COL25A1: variants seen among roughly 807,000 people sequenced by gnomAD.
COL25A1 encodes collagen type XXV alpha 1 chain.
In COL25A1, 103 loss-of-function variants were observed where a neutral mutation model predicts 128.4. The ratio of observed to expected loss-of-function variants is 0.80; its 90% CI spans 0.68 to 0.94. COL25A1 has a LOEUF of 0.94. COL25A1 is among the 40% of genes least tolerant of loss of function. The pLI is 0.00. For missense variants in COL25A1, 745 were observed against 840.0 expected, an observed-to-expected ratio of 0.89 and a Z score of 1.40; for synonymous variants, 279 against 277.2, an observed-to-expected ratio of 1.01 and a Z score of -0.06.
intron 3 of COL25A1, among the ~76,000 whole-genome samples, chr4:109,260,548 T>C (rs1442484658): frequency 2.6e-5 from 4 of 152,252 alleles, no homozygotes; most frequent in East Asian, 1.9e-4. Context: ...CAGGCTGGAG[T>C]GCAGTGGCAC....
At chr4:108,858,910 G>A (rs936672338) in intron 24 of COL25A1, among the ~76,000 whole-genome samples, 7 of 152,130 alleles carry the variant, frequency 4.6e-5, no homozygotes, top group Non-Finnish European at 8.8e-5. Context: ...TGTCAGGGGC[G>A]ATGAGTCCAG....
intron 3 of COL25A1, among the ~76,000 whole-genome samples, chr4:109,154,064 G>A (rs1771799800): frequency 6.6e-6 from 1 of 152,136 alleles, no homozygotes; most frequent in South Asian, 2.1e-4. Flanking sequence ...TAATCTATTT[G>A]CAAACTAGAA....
At chr4:108,851,261 T>A (rs1005899551) in intron 26 of COL25A1, among the ~76,000 whole-genome samples, 4 of 152,098 alleles carry the variant, frequency 2.6e-5, no homozygotes, top group Non-Finnish European at 4.4e-5. Context: ...ATCCCACACC[T>A]TATATTAATG....
chr4:109,166,063 C>A (rs1773045682), intron 3 of COL25A1, among the ~76,000 whole-genome samples: 1 of 152,068 alleles, frequency 6.6e-6, no homozygotes, highest in Non-Finnish European at 1.5e-5. Context: ...AAAATTAGAT[C>A]AATTTTTCTA....
intron 8 of COL25A1, among the ~76,000 whole-genome samples, chr4:108,955,164 T>A (rs1040643524): frequency 6.6e-6 from 1 of 152,082 alleles, no homozygotes; most frequent in African/African-American, 2.4e-5. Flanking sequence ...TAAGGGACTG[T>A]CAATCATTCT....
rs1229175031 is a variant in COL25A1 at position 109,050,197 on chromosome 4, A to G, written c.368-18T>C. On this transcript the variant is annotated intron_variant, in intron 3 of 37. Coordinates refer to ENST00000399132, the MANE Select transcript of COL25A1 (RefSeq NM_198721.4). ...TGGAGGGCCTGAAATACAAAGGATA[A>G]TTTTTTTAGTGTAGTTTAATTCTTT... 1 of 1,598,270 alleles carries G rather than the reference A, an allele frequency of 6.3e-7. No homozygotes were observed. Among genetic ancestry groups the G allele is most frequent in the East Asian group, 2.2e-5 (1 of 44,480 alleles).
intron 8 of COL25A1, among the ~76,000 whole-genome samples, chr4:108,964,014 A>G (rs919541933): frequency 6.6e-6 from 1 of 151,034 alleles, no homozygotes; most frequent in African/African-American, 2.4e-5. Context: ...ATAAAATGGA[A>G]ATAATTATTT....
chr4:108,965,895 A>C (rs1210626011), intron 8 of COL25A1, among the ~76,000 whole-genome samples: 2 of 152,250 alleles, frequency 1.3e-5, no homozygotes, highest in Non-Finnish European at 2.9e-5. Context: ...ACTCAGCATT[A>C]TGAAGAGCAG....
intron 3 of COL25A1, among the ~76,000 whole-genome samples, chr4:109,274,311 G>C (rs1782399979): frequency 6.6e-6 from 1 of 151,984 alleles, no homozygotes; most frequent in African/African-American, 2.4e-5. Flanking sequence ...AAATTTCTAA[G>C]CCATAAGGAT....
intron 3 of COL25A1, among the ~76,000 whole-genome samples, chr4:109,059,723 T>C (rs1299346980): frequency 6.6e-6 from 1 of 152,162 alleles, no homozygotes; most frequent in Non-Finnish European, 1.5e-5. Context: ...TGCACAGCAG[T>C]TTTTACCCAT....
intron 3 of COL25A1, among the ~76,000 whole-genome samples, chr4:109,052,957 A>G (rs889759134): frequency 1.2e-4 from 18 of 152,208 alleles, no homozygotes; most frequent in Admixed American, 9.8e-4. Context: ...CTCATTCACT[A>G]AACTTGGCCA....
intron 3 of COL25A1, among the ~76,000 whole-genome samples, chr4:109,158,757 T>G (rs1166278428): frequency 6.6e-6 from 1 of 152,196 alleles, no homozygotes; most frequent in Non-Finnish European, 1.5e-5. Context: ...TACCCTAAGT[T>G]ATAAAGTTTT....
intron 8 of COL25A1, among the ~76,000 whole-genome samples, chr4:108,964,979 T>C (rs1286954090): frequency 3.3e-5 from 5 of 152,196 alleles, no homozygotes; most frequent in East Asian, 3.8e-4. Flanking sequence ...AGTATATTCA[T>C]TAAGGCTACA....
chr4:109,127,450 T>TATTA (rs1399551051), intron 3 of COL25A1, among the ~76,000 whole-genome samples: 1 of 152,148 alleles, frequency 6.6e-6, no homozygotes, highest in Non-Finnish European at 1.5e-5. Flanking sequence ...CTCTAGTGGT[T>TATTA]ATTAGTTGGG....
intron 3 of COL25A1, among the ~76,000 whole-genome samples, chr4:109,120,209 G>C (rs1295171549): frequency 6.6e-6 from 1 of 152,128 alleles, no homozygotes; most frequent in Non-Finnish European, 1.5e-5. Flanking sequence ...TTCCAGTTTA[G>C]ATCAGGAACA....
rs527855425 is a variant in COL25A1, at chr4:109,273,756, C to T, written c.367+26827G>A. Among the ~76,000 whole-genome samples the T allele has an allele frequency of 2.0e-5, 3 of 152,218 alleles. No individual in the cohort carries two copies. The South Asian group carries it at 6.2e-4, about 32-fold the overall frequency. On this transcript the variant is annotated intron_variant, in intron 3 of 37. Coordinates refer to ENST00000399132, the MANE Select transcript of COL25A1 (RefSeq NM_198721.4). ...GAAAAATAAGACACTAACACCTCCA[C>T]CTTGGGCAAAGAGCCTTACCCCTGA...
chr4:109,231,225 TGA>T (rs1247800148), intron 3 of COL25A1, among the ~76,000 whole-genome samples: 1 of 152,094 alleles, frequency 6.6e-6, no homozygotes, highest in Non-Finnish European at 1.5e-5. Context: ...TCATGGCCAG[TGA>T]GAGTTACAAT....
intron 8 of COL25A1, among the ~76,000 whole-genome samples, chr4:108,951,584 T>A (rs1749438353): frequency 1.3e-5 from 2 of 151,908 alleles, no homozygotes; most frequent in South Asian, 4.2e-4. Context: ...TGGGATTTCA[T>A]CATGTTGGCC....
intron 15 of COL25A1, among the ~76,000 whole-genome samples, chr4:108,898,400 A>C (rs1394098508): frequency 3.3e-5 from 5 of 152,218 alleles, no homozygotes; most frequent in African/African-American, 1.2e-4. Context: ...ATCACTTACA[A>C]AGAGCATGAT....
Sources: gnomAD v4.1 joint callset for allele counts (sites outside exome capture counted in the v4.1 genomes callset) on GRCh38, gnomAD v4.1.1 for gene constraint, MANE v1.5 for transcripts, NCBI Gene and HGNC (gene_info 2026-07-23, HGNC 2026-07-21) for gene names.